CDIN1: variants seen among roughly 807,000 people sequenced by gnomAD.
The protein encoded by CDIN1 is CDAN1 interacting nuclease 1.
A neutral mutation model predicts 45.3 loss-of-function variants in CDIN1; 33 were observed. The observed-to-expected ratio is 0.73, with a 90% CI of 0.55 to 0.97. CDIN1 has a LOEUF of 0.97. CDIN1 is among the 50% of genes least tolerant of loss of function. The pLI, the probability that CDIN1 is intolerant of heterozygous loss-of-function variation, is 0.00. For missense variants in CDIN1, 303 were observed against 339.4 expected (o/e 0.89, Z 0.84); for synonymous variants, 118 against 124.4 (o/e 0.95, Z 0.34).
In CDIN1 at chr15:36,808,613, GT is replaced by G; in HGVS notation, c.*163del. On this transcript the variant is annotated 3_prime_UTR_variant, in exon 11 of 11. Transcript: ENST00000566621. ...ACCTCTTTAGACAAACATATCAAGA[GT>G]TTCTGTTTTCCTTCATCCCTTGCTG... 1 of 994,104 alleles carries G rather than the reference GT, an allele frequency of 1.0e-6. No homozygotes were observed. The highest frequency in any genetic ancestry group is 2.7e-5 in the East Asian group (1 of 37,576). 61.6% of individuals were successfully genotyped at this position (994,104 alleles called of 1,614,324 possible).
chr15:36,733,254 C>T (rs2043895857), intron 10 of CDIN1, among the ~76,000 whole-genome samples: 1 of 152,004 alleles, frequency 6.6e-6, no homozygotes, highest in Non-Finnish European at 1.5e-5. Context: ...TTTCTAGATG[C>T]ATCTTTGTTC....
intron 1 of CDIN1, among the ~76,000 whole-genome samples, chr15:36,592,821 T>C (rs992702407): frequency 1.3e-5 from 2 of 152,158 alleles, no homozygotes; most frequent in East Asian, 3.9e-4. Context: ...TAAAATTGAT[T>C]AATTAGCTAA....
intron 10 of CDIN1, among the ~76,000 whole-genome samples, chr15:36,779,577 A>G (rs559561249): frequency 2.5e-4 from 38 of 152,294 alleles, no homozygotes; most frequent in Non-Finnish European, 4.9e-4. Flanking sequence ...TATGTGTTCT[A>G]TCTTGCTCCT....
intron 1 of CDIN1, among the ~76,000 whole-genome samples, chr15:36,637,500 C>T (rs2039948969): frequency 6.6e-6 from 1 of 152,172 alleles, no homozygotes; most frequent in Admixed American, 6.5e-5. Flanking sequence ...GCAATGGGAA[C>T]TCTTCTGTAG....
At chr15:36,661,054 C>A (rs1208096111) in intron 5 of CDIN1, among the ~76,000 whole-genome samples, 4 of 152,078 alleles carry the variant, frequency 2.6e-5, no homozygotes, top group Non-Finnish European at 5.9e-5. Context: ...GTGGGTGGAG[C>A]ATGTGAGGCC....
chr15:36,702,983 T>G (rs1331204114), intron 8 of CDIN1, among the ~76,000 whole-genome samples: 1 of 151,028 alleles, frequency 6.6e-6, no homozygotes, highest in Non-Finnish European at 1.5e-5. Flanking sequence ...GGAGGATTGC[T>G]TGAGCCCAGG....
intron 8 of CDIN1, among the ~76,000 whole-genome samples, chr15:36,704,027 A>G (rs566536163): frequency 6.6e-6 from 1 of 152,224 alleles, no homozygotes; most frequent in South Asian, 2.1e-4. Context: ...TTATTCTACT[A>G]TGTTGATTTG....
rs118137027 is a variant in CDIN1 at position 36,715,905 on chromosome 15, A to G, written c.716+5944A>G. Among the ~76,000 whole-genome samples, 654 of 152,178 alleles carry G rather than the reference A, an allele frequency of 4.3e-3. 2 individuals are homozygous for G. The highest frequency in any genetic ancestry group is 0.031 in the Middle Eastern group (9 of 294). ...CTCATAATGGTTATAATGGATAAGTATCATTTTTTCAGCATGTTGAATGTG... is the reference window on the plus strand; with the variant it reads ...CTCATAATGGTTATAATGGATAAGTGTCATTTTTTCAGCATGTTGAATGTG... On this transcript the variant is annotated intron_variant, in intron 10 of 10. Coordinates refer to ENST00000566621, the MANE Select transcript of CDIN1 (RefSeq NM_001321759.2).
intron 10 of CDIN1, among the ~76,000 whole-genome samples, chr15:36,740,956 A>T (rs2044215828): frequency 6.6e-6 from 1 of 151,164 alleles, no homozygotes; most frequent in Non-Finnish European, 1.5e-5. Flanking sequence ...ATTTATTTTG[A>T]GACAAGGTCT....
chr15:36,605,376 T>A (rs28404241), intron 1 of CDIN1, among the ~76,000 whole-genome samples: 20,398 of 152,098 alleles, frequency 0.13, 1,495 homozygotes, highest in Non-Finnish European at 0.16. Flanking sequence ...ATTTTTTTTT[T>A]AATCTGGAAT....
intron 5 of CDIN1, among the ~76,000 whole-genome samples, chr15:36,665,499 G>A (rs541537551): frequency 3.7e-4 from 57 of 152,148 alleles, no homozygotes; most frequent in Non-Finnish European, 7.1e-4. Flanking sequence ...TTCTCAACTC[G>A]TGAAGAAAAT....
At chr15:36,618,012 C>CT in intron 1 of CDIN1, 1 of 786,564 alleles carries the variant, frequency 1.3e-6, no homozygotes, top group East Asian at 2.5e-5. Flanking sequence ...TTTATGCAGC[C>CT]TGTATATAAT....
intron 5 of CDIN1, among the ~76,000 whole-genome samples, chr15:36,682,605 A>C (rs570802803): frequency 6.6e-6 from 1 of 150,916 alleles, no homozygotes; most frequent in East Asian, 2.0e-4. Flanking sequence ...TCTACAAAAA[A>C]AAAAAAACAA....
At chr15:36,624,253 T>C (rs911641817) in intron 1 of CDIN1, among the ~76,000 whole-genome samples, 27 of 152,222 alleles carry the variant, frequency 1.8e-4, no homozygotes, top group Non-Finnish European at 2.1e-4. Context: ...GGGAAGGCAT[T>C]TGTAGCCATC....
chr15:36,701,129 GATAGATAGATAGATAGA>G (rs1566912662), intron 8 of CDIN1, among the ~76,000 whole-genome samples: 6 of 96,310 alleles, frequency 6.2e-5, no homozygotes, highest in Non-Finnish European at 2.2e-5. Context: ...TAGGTAGATA[GATAGATAGATAGATAGA>G]TAGATAGATA....
At chr15:36,748,958 G>A (rs554566036) in intron 10 of CDIN1, among the ~76,000 whole-genome samples, 3 of 152,240 alleles carry the variant, frequency 2.0e-5, no homozygotes, top group Non-Finnish European at 4.4e-5. Flanking sequence ...AACTGCTGAG[G>A]TTTGACAAGA....
chr15:36,656,382 G>A (rs1033177218), intron 4 of CDIN1, among the ~76,000 whole-genome samples: 2 of 151,914 alleles, frequency 1.3e-5, no homozygotes, highest in Non-Finnish European at 2.9e-5. Flanking sequence ...GGCTGTATGT[G>A]GTCATCATTG....
intron 10 of CDIN1, among the ~76,000 whole-genome samples, chr15:36,803,517 A>T (rs529522838): frequency 1.3e-5 from 2 of 152,294 alleles, no homozygotes; most frequent in East Asian, 1.9e-4. Context: ...TCAATTTTTT[A>T]AAATTAATGA....
intron 10 of CDIN1, among the ~76,000 whole-genome samples, chr15:36,783,699 A>G (rs959565229): frequency 2.0e-5 from 3 of 152,210 alleles, no homozygotes; most frequent in Non-Finnish European, 4.4e-5. Flanking sequence ...AATTTGCTGA[A>G]AATATGATTA....
Sources: allele counts gnomAD v4.1 joint callset (sites outside exome capture counted in the v4.1 genomes callset), GRCh38; gene constraint gnomAD v4.1.1; transcripts MANE v1.5; gene names NCBI Gene and HGNC (gene_info 2026-07-23, HGNC 2026-07-21).